EXOC6: variants seen among roughly 807,000 people sequenced by gnomAD.
EXOC6 encodes the protein exocyst complex component 6.
In EXOC6, 60 loss-of-function variants were observed where a neutral mutation model predicts 112.5. The ratio of observed to expected loss-of-function variants is 0.53; its 90% CI spans 0.43 to 0.66. EXOC6 has a LOEUF of 0.66. Among genes scored for constraint, EXOC6 ranks in the 30% least tolerant of loss-of-function variants. EXOC6 has a pLI of 0.00. For synonymous variants in EXOC6, 295 were observed against 308.0 expected (o/e 0.96, Z 0.44); for missense variants, 855 against 957.1 (o/e 0.89, Z 1.41).
chr10:93,018,199 A>G (rs1006195889), intron 20 of EXOC6, among the ~76,000 whole-genome samples: 2 of 151,664 alleles, frequency 1.3e-5, no homozygotes, highest in African/African-American at 4.8e-5. Flanking sequence ...AACCAGTTAT[A>G]AAAAAAAGGG....
intron 1 of EXOC6, among the ~76,000 whole-genome samples, chr10:92,856,054 A>G (rs1382149190): frequency 6.6e-6 from 1 of 151,780 alleles, no homozygotes. Flanking sequence ...TAGTAGAGAT[A>G]GGGTTTGCCA....
chr10:92,911,880 A>G (rs1589816702), intron 6 of EXOC6, among the ~76,000 whole-genome samples: 1 of 147,348 alleles, frequency 6.8e-6, no homozygotes, highest in African/African-American at 2.5e-5. Flanking sequence ...CCTTCATGCT[A>G]CCTTTCAATT....
At chr10:93,006,814 G>A (rs139221424) in intron 19 of EXOC6, among the ~76,000 whole-genome samples, 6 of 152,242 alleles carry the variant, frequency 3.9e-5, no homozygotes, top group Non-Finnish European at 8.8e-5. Context: ...ATGAATATTG[G>A]CATTCATATT....
intron 6 of EXOC6, among the ~76,000 whole-genome samples, chr10:92,912,126 G>A (rs536214777): frequency 6.6e-6 from 1 of 151,670 alleles, no homozygotes; most frequent in South Asian, 2.1e-4. Flanking sequence ...TCTGTATCCT[G>A]TGCTTAATTC....
At chr10:92,859,820 CATGTGTGTGTGT>C (rs953083483) in intron 1 of EXOC6, among the ~76,000 whole-genome samples, 18 of 103,412 alleles carry the variant, frequency 1.7e-4, no homozygotes, top group African/African-American at 3.4e-4. Context: ...CGTTTGTGTG[CATGTGTGTGTGT>C]GTGTGTGTGT....
chr10:93,027,099 G>T (rs1845063009), intron 20 of EXOC6, among the ~76,000 whole-genome samples: 2 of 152,204 alleles, frequency 1.3e-5, no homozygotes, highest in South Asian at 4.1e-4. Context: ...TAGCCTCATT[G>T]CTGATATGGA....
chr10:92,974,474 C>T (rs1231051844), intron 18 of EXOC6, among the ~76,000 whole-genome samples: 3 of 137,700 alleles, frequency 2.2e-5, no homozygotes, highest in Admixed American at 1.5e-4. Flanking sequence ...AACCCTGAAA[C>T]TGACAATATA....
At chr10:92,926,394 A>G (rs1851723521) in intron 8 of EXOC6, among the ~76,000 whole-genome samples, 1 of 152,140 alleles carries the variant, frequency 6.6e-6, no homozygotes, top group South Asian at 2.1e-4. Context: ...TGGAAATAAG[A>G]GTTCAAAAGA....
At chr10:92,916,425 G>C (rs749453275) in intron 7 of EXOC6, among the ~76,000 whole-genome samples, 2 of 152,106 alleles carry the variant, frequency 1.3e-5, no homozygotes, top group Non-Finnish European at 2.9e-5. Context: ...CATGAGAATT[G>C]CTTGAACCCA....
chr10:92,849,067 G>A (rs1157729474), intron 1 of EXOC6, among the ~76,000 whole-genome samples: 1 of 152,182 alleles, frequency 6.6e-6, no homozygotes, highest in African/African-American at 2.4e-5. Context: ...CGTGACGGAG[G>A]TGCCAGGTCG....
intron 20 of EXOC6, among the ~76,000 whole-genome samples, chr10:93,024,687 G>A (rs1844944303): frequency 6.6e-6 from 1 of 152,006 alleles, no homozygotes; most frequent in South Asian, 2.1e-4. Context: ...CAAAGTCCTG[G>A]GATTACAGGT....
At chr10:92,874,240 A>G (rs1287962996) in intron 1 of EXOC6, among the ~76,000 whole-genome samples, 4 of 152,150 alleles carry the variant, frequency 2.6e-5, no homozygotes, top group African/African-American at 7.2e-5. Flanking sequence ...TTAGCAGTAC[A>G]ATATTGTTGG....
chr10:93,000,412 CAG>C (rs1304961948), intron 19 of EXOC6, among the ~76,000 whole-genome samples: 1 of 152,274 alleles, frequency 6.6e-6, no homozygotes, highest in East Asian at 1.9e-4. Context: ...CTCCTTTGGG[CAG>C]AGTTACTAGA....
upstream of EXOC6, among the ~76,000 whole-genome samples, chr10:92,848,121 C>T (rs999227980): frequency 1.3e-4 from 20 of 152,136 alleles, no homozygotes; most frequent in Non-Finnish European, 2.4e-4. Flanking sequence ...TGTTAAATGT[C>T]CCCGTGGCTC....
chr10:93,015,317 AT>A (rs1844449605), intron 20 of EXOC6, among the ~76,000 whole-genome samples: 1 of 152,236 alleles, frequency 6.6e-6, no homozygotes, highest in Admixed American at 6.5e-5. Context: ...CTTATTGTCT[AT>A]TATATATTCA....
intron 19 of EXOC6, among the ~76,000 whole-genome samples, chr10:93,001,268 C>A (rs1402359280): frequency 6.6e-6 from 1 of 152,172 alleles, no homozygotes; most frequent in Non-Finnish European, 1.5e-5. Context: ...TCTTCACACA[C>A]CTGTTAATAA....
intron 13 of EXOC6, among the ~76,000 whole-genome samples, chr10:92,945,973 A>G (rs2133988542): frequency 6.6e-6 from 1 of 152,304 alleles, no homozygotes; most frequent in African/African-American, 2.4e-5. Context: ...CTGTAGTCCC[A>G]GCTACTCAGG....
chr10:92,882,841 A>G (rs1240307291), intron 1 of EXOC6, among the ~76,000 whole-genome samples: 1 of 152,170 alleles, frequency 6.6e-6, no homozygotes, highest in Non-Finnish European at 1.5e-5. Context: ...AGGCTGCTCC[A>G]CTGAAAGATT....
chr10:92,940,571 G>A (rs1357427671), intron 12 of EXOC6, among the ~76,000 whole-genome samples, 156 bp from the exon 13 acceptor site: 1 of 152,098 alleles, frequency 6.6e-6, no homozygotes, highest in Admixed American at 6.6e-5. Context: ...ATGCAATGTA[G>A]TAGAAAGTCA....
Sources: allele counts gnomAD v4.1 joint callset (sites outside exome capture counted in the v4.1 genomes callset), GRCh38; gene constraint gnomAD v4.1.1; transcripts MANE v1.5; gene names NCBI Gene and HGNC (gene_info 2026-07-23, HGNC 2026-07-21).